RABGAP1L: variants seen among roughly 807,000 people sequenced by gnomAD.
RABGAP1L encodes the protein RAB GTPase activating protein 1 like.
A neutral mutation model predicts 137.7 loss-of-function variants in RABGAP1L; 63 were observed. The ratio of observed to expected loss-of-function variants is 0.46; its 90% CI spans 0.37 to 0.56. The LOEUF (loss-of-function observed/expected upper bound fraction) is 0.56. Ranked by LOEUF, RABGAP1L falls within the 20% of genes least tolerant of loss-of-function variation. RABGAP1L has a pLI of 0.00. For missense variants in RABGAP1L, 1,095 were observed against 1,244.0 expected (o/e 0.88, Z 1.80); for synonymous variants, 431 against 433.7 (o/e 0.99, Z 0.08).
At chr1:174,613,569 A>T (rs1376069885) in intron 13 of RABGAP1L, among the ~76,000 whole-genome samples, 1 of 152,162 alleles carries the variant, frequency 6.6e-6, no homozygotes, top group African/African-American at 2.4e-5. Context: ...GATGGCTGTT[A>T]GGTCTGCTTG....
rs554474698 is a variant in RABGAP1L, at chr1:174,530,149, C to T, written c.1711-107226C>T. ...TGCCTTCAGTGGCAGGCAGCCTAGG[C>T]CTCTCCAGTGGCAAGGCAGCAGCAC... On this transcript the variant is annotated intron_variant, in intron 13 of 25. Coordinates refer to ENST00000681986, the MANE Select transcript of RABGAP1L (RefSeq NM_001366446.1). Among the ~76,000 whole-genome samples, 175 of 150,888 alleles carry T rather than the reference C, an allele frequency of 1.2e-3. 1 individual carries two copies. Among genetic ancestry groups the T allele is most frequent in the African/African-American group, 4.1e-3 (171 of 41,318 alleles).
At chr1:174,619,537 C>T (rs1260937290) in intron 13 of RABGAP1L, among the ~76,000 whole-genome samples, 3 of 152,128 alleles carry the variant, frequency 2.0e-5, no homozygotes, top group Non-Finnish European at 4.4e-5. Flanking sequence ...TCCAGCCAAA[C>T]TAAGCTTCAT....
intron 18 of RABGAP1L, among the ~76,000 whole-genome samples, chr1:174,797,838 C>G (rs545311165): frequency 6.6e-6 from 1 of 152,086 alleles, no homozygotes; most frequent in Admixed American, 6.5e-5. Context: ...GGCAGTACAT[C>G]AAACATTTAC....
intron 1 of RABGAP1L, among the ~76,000 whole-genome samples, chr1:174,201,602 C>G (rs969008331): frequency 2.0e-5 from 3 of 150,118 alleles, no homozygotes; most frequent in African/African-American, 7.4e-5. Context: ...TTGTATTTTT[C>G]TTTTTTTTGT....
intron 1 of RABGAP1L, among the ~76,000 whole-genome samples, chr1:174,214,142 A>G (rs115934892): frequency 0.06 from 9,210 of 152,280 alleles, 970 homozygotes; most frequent in African/African-American, 0.21. Context: ...GATTTATTAA[A>G]GTTGCAGGAT....
At chr1:174,555,606 A>G (rs527474482) in intron 13 of RABGAP1L, among the ~76,000 whole-genome samples, 2 of 152,320 alleles carry the variant, frequency 1.3e-5, no homozygotes, top group South Asian at 4.1e-4. Context: ...ATATACATAG[A>G]AAGACTAATA....
intron 19 of RABGAP1L, among the ~76,000 whole-genome samples, chr1:174,847,605 T>A (rs1647260665): frequency 7.3e-6 from 1 of 137,446 alleles, no homozygotes; most frequent in African/African-American, 2.7e-5. Flanking sequence ...CTGCTGTTAG[T>A]CTGATGGGCT....
chr1:174,898,013 A>C (rs1481617538), intron 19 of RABGAP1L: 2 of 151,514 alleles, frequency 1.3e-5, no homozygotes, highest in South Asian at 2.1e-4. Flanking sequence ...GGAGATAATT[A>C]ATTTCATTTC....
intron 13 of RABGAP1L, among the ~76,000 whole-genome samples, chr1:174,469,932 G>A (rs1657726927): frequency 6.6e-6 from 1 of 151,928 alleles, no homozygotes; most frequent in African/African-American, 2.4e-5. Context: ...AGGCACTGTA[G>A]AGCTGAGCTG....
At chr1:174,647,190 A>G (rs1675040326) in intron 14 of RABGAP1L, among the ~76,000 whole-genome samples, 1 of 151,984 alleles carries the variant, frequency 6.6e-6, no homozygotes. Context: ...CTATTTGAAT[A>G]CCCTTTATTT....
intron 18 of RABGAP1L, chr1:174,800,378 C>T (rs1323182933): frequency 1.9e-6 from 3 of 1,550,538 alleles, no homozygotes; most frequent in South Asian, 1.2e-5. Context: ...TAAGCTCACA[C>T]CTCCTGTCAA....
At chr1:174,760,888 A>G (rs1418857160) in intron 18 of RABGAP1L, among the ~76,000 whole-genome samples, 1 of 152,244 alleles carries the variant, frequency 6.6e-6, no homozygotes, top group Non-Finnish European at 1.5e-5. Flanking sequence ...TTATTCAACA[A>G]TATTTAGTAA....
At chr1:174,398,273 G>A (rs779912821) in intron 13 of RABGAP1L, among the ~76,000 whole-genome samples, 12 of 152,002 alleles carry the variant, frequency 7.9e-5, no homozygotes, top group African/African-American at 1.2e-4. Context: ...CAATCTCTAC[G>A]CTCCCCTTCT....
At chr1:174,197,438 T>C (rs1667774229) in intron 1 of RABGAP1L, among the ~76,000 whole-genome samples, 1 of 152,158 alleles carries the variant, frequency 6.6e-6, no homozygotes, top group Admixed American at 6.6e-5. Context: ...TTTAGATCCC[T>C]CTTGGTGAAA....
intron 1 of RABGAP1L, among the ~76,000 whole-genome samples, chr1:174,165,004 A>C (rs1664786729): frequency 6.6e-6 from 1 of 152,210 alleles, no homozygotes; most frequent in African/African-American, 2.4e-5. Flanking sequence ...ATCAGTTTGA[A>C]TAAAGATGGA....
intron 19 of RABGAP1L, chr1:174,893,010 T>C: frequency 4.2e-6 from 1 of 235,384 alleles, no homozygotes; most frequent in Non-Finnish European, 8.7e-6. Context: ...CCTCCCAAAG[T>C]GCTGGGGTTA....
chr1:174,525,752 A>G (rs1437877656), intron 13 of RABGAP1L, among the ~76,000 whole-genome samples: 2 of 152,008 alleles, frequency 1.3e-5, no homozygotes, highest in Non-Finnish European at 2.9e-5. Context: ...TCGGTTCAGT[A>G]TATGTTAGCT....
At chr1:174,718,047 A>C (rs1681168694) in intron 17 of RABGAP1L, among the ~76,000 whole-genome samples, 1 of 152,100 alleles carries the variant, frequency 6.6e-6, no homozygotes, top group Non-Finnish European at 1.5e-5. Flanking sequence ...CTTCTTAGCC[A>C]CCTTTCTCAG....
chr1:174,603,713 G>A (rs1057252721), intron 13 of RABGAP1L, among the ~76,000 whole-genome samples: 10 of 151,936 alleles, frequency 6.6e-5, no homozygotes, highest in South Asian at 2.1e-4. Context: ...AAAGCCCACA[G>A]CAACTACCGC....
Sources: allele counts gnomAD v4.1 joint callset (sites outside exome capture counted in the v4.1 genomes callset), GRCh38; gene constraint gnomAD v4.1.1; transcripts MANE v1.5; gene names NCBI Gene and HGNC (gene_info 2026-07-23, HGNC 2026-07-21).